TMPRSS12: variants seen among roughly 807,000 people sequenced by gnomAD.
TMPRSS12 encodes transmembrane protease serine 12.
Under a neutral mutation model 26.0 loss-of-function variants are expected in TMPRSS12, and 25 were observed. The observed-to-expected ratio is 0.96, with a 90% confidence interval of 0.70 to 1.34. TMPRSS12 has a LOEUF of 1.34. TMPRSS12 is among the 40% of genes most tolerant of loss of function. TMPRSS12 has a pLI of 0.00. For synonymous variants in TMPRSS12, 150 were observed against 161.7 expected (o/e 0.93, Z 0.55); for missense variants, 441 against 440.1 (o/e 1.00, Z -0.02).
intron 2 of TMPRSS12, among the ~76,000 whole-genome samples, chr12:50,847,774 G>A (rs1228175925): frequency 6.6e-6 from 1 of 152,038 alleles, no homozygotes; most frequent in African/African-American, 2.4e-5. Context: ...GTGGGTGCCT[G>A]TGATCCCAGC....
chr12:50,877,279 A>G (rs1592224374), intron 3 of TMPRSS12, among the ~76,000 whole-genome samples: 1 of 152,244 alleles, frequency 6.6e-6, no homozygotes, highest in East Asian at 1.9e-4. Context: ...AAGAGCATCT[A>G]TAAAGAATAA....
chr12:50,875,359 C>T (rs1938102947), intron 3 of TMPRSS12, among the ~76,000 whole-genome samples: 2 of 151,634 alleles, frequency 1.3e-5, no homozygotes, highest in Admixed American at 6.6e-5. Context: ...GGTGTGGTGG[C>T]ACACACCTGT....
chr12:50,865,559 G>A lies in TMPRSS12; in HGVS notation c.652+6506G>A, dbSNP rs116237541. On this transcript the variant is annotated intron_variant, in intron 3 of 4. Transcript: ENST00000398458. ...AAGGAATAAAGAGGATAGAGGAGAG[G>A]CAATATTCAATGGATTTGGGTTGAA... is the stretch of plus-strand genomic sequence containing the variant. Among the ~76,000 whole-genome samples, 862 of 152,110 alleles carry A rather than the reference G, an allele frequency of 5.7e-3. 8 individuals carry two copies. Among genetic ancestry groups the A allele is most frequent in the African/African-American group, 0.02 (811 of 41,490 alleles).
At chr12:50,859,084 A>G in intron 3 of TMPRSS12, 31 bp downstream of exon 3, 1 of 1,518,762 alleles carries the variant, frequency 6.6e-7, no homozygotes, top group Non-Finnish European at 8.8e-7. Context: ...ACTGATACAC[A>G]TTTTCCTGAT....
At chr12:50,871,159 A>G (rs1938038857) in intron 3 of TMPRSS12, among the ~76,000 whole-genome samples, 1 of 152,216 alleles carries the variant, frequency 6.6e-6, no homozygotes, top group Non-Finnish European at 1.5e-5. Context: ...AGCAAAAAGA[A>G]CAAATCTAGA....
At chr12:50,885,421 T>C (rs1354261805) in intron 4 of TMPRSS12, 33 bp downstream of exon 4, 2 of 1,613,216 alleles carry the variant, frequency 1.2e-6, no homozygotes, top group Non-Finnish European at 1.7e-6. Context: ...TAAAATATTT[T>C]CTGAAGCCAG....
In TMPRSS12 at chr12:50,859,053, G is replaced by A. The variant is rs891829983; in HGVS notation, c.652G>A (p.Gly218Ser). Residue 218 changes from glycine to serine, a missense_variant and splice_region_variant, in exon 3 of 5, where the codon GGT becomes AGT. Coordinates refer to ENST00000398458, the MANE Select transcript of TMPRSS12 (RefSeq NM_182559.3). ...TGGCTGGGGAAGAACAAAAGAAGAA[G>A]GTAATTATGGTCTGAATTTTACTGA... Reference protein sequence around the residue: ...ISGWGRTKEEGNATNILQDAE... With the variant: ...ISGWGRTKEESNATNILQDAE... The A allele has an allele frequency of 1.9e-6, 3 of 1,570,942 alleles. No homozygotes were observed. In the African/African-American group the frequency reaches 4.1e-5, roughly 21 times the overall value.
intron 3 of TMPRSS12, among the ~76,000 whole-genome samples, chr12:50,883,388 G>A (rs1419061847): frequency 6.6e-6 from 1 of 152,122 alleles, no homozygotes; most frequent in Non-Finnish European, 1.5e-5. Context: ...GGAATCCAAG[G>A]GTTTAAAATT....
At chr12:50,880,348 G>A (rs963558084) in intron 3 of TMPRSS12, among the ~76,000 whole-genome samples, 5 of 152,138 alleles carry the variant, frequency 3.3e-5, no homozygotes, top group Non-Finnish European at 5.9e-5. Context: ...TATGATCGCT[G>A]TACTACACTC....
intron 2 of TMPRSS12, among the ~76,000 whole-genome samples, chr12:50,845,742 A>G (rs1937761460): frequency 6.6e-6 from 1 of 152,158 alleles, no homozygotes; most frequent in Non-Finnish European, 1.5e-5. Context: ...CTACTGATTA[A>G]AAGTACATCC....
chr12:50,843,957 T>C lies in TMPRSS12; in HGVS notation c.303T>C (p.Arg101=), dbSNP rs776083898. 4 of 1,605,540 alleles carry C rather than the reference T, an allele frequency of 2.5e-6. No individual in the cohort carries two copies. The South Asian group carries it at 3.4e-5, about 13-fold the overall frequency. The change falls in exon 2 of 5, where the codon CGT becomes CGC. Residue 101 remains arginine, a synonymous_variant. Coordinates refer to ENST00000398458, the MANE Select transcript of TMPRSS12 (RefSeq NM_182559.3). The stretch of plus-strand genomic sequence containing the variant: ...TGAGCCTGCAGATTAAATATGGCCG[T>C]GTTCTTGTTCATGTATGTGGGGGAA... ...WVVSLQIKYG[R]VLVHVCGGTL...
rs536050143 is a variant in TMPRSS12 at position 50,850,665 on chromosome 12, A to G, written c.383+6628A>G. ...CCCACCACTGCTGGCACATGTGCAG[A>G]CTCCACTGCACTTCCACCACCAGTG... On this transcript the variant is annotated intron_variant, in intron 2 of 4. Coordinates refer to ENST00000398458, the MANE Select transcript of TMPRSS12 (RefSeq NM_182559.3). Among the ~76,000 whole-genome samples, 38 of 152,188 alleles carry G rather than the reference A, an allele frequency of 2.5e-4. No individual in the cohort carries two copies. In the South Asian group the frequency reaches 7.9e-3, roughly 32 times the overall value.
At chr12:50,870,546 C>A (rs1938032842) in intron 3 of TMPRSS12, among the ~76,000 whole-genome samples, 1 of 152,146 alleles carries the variant, frequency 6.6e-6, no homozygotes, top group African/African-American at 2.4e-5. Flanking sequence ...TGGAACAAGA[C>A]AAGGATGCCC....
intron 3 of TMPRSS12, among the ~76,000 whole-genome samples, chr12:50,872,971 A>T (rs190717010): frequency 6.6e-6 from 1 of 150,982 alleles, no homozygotes; most frequent in Admixed American, 6.6e-5. Flanking sequence ...ATGTACATAT[A>T]TATGACGTAT....
chr12:50,863,688 C>T (rs1291003978), intron 3 of TMPRSS12, among the ~76,000 whole-genome samples: 5 of 152,042 alleles, frequency 3.3e-5, no homozygotes, highest in Non-Finnish European at 7.4e-5. Flanking sequence ...ATATATGATT[C>T]CAAGTATATA....
chr12:50,844,611 G>A (rs771771700), intron 2 of TMPRSS12, among the ~76,000 whole-genome samples: 38 of 152,216 alleles, frequency 2.5e-4, no homozygotes, highest in Admixed American at 2.0e-3. Context: ...TTAACCTCAC[G>A]TGATCTGCCC....
Position 50,887,559 on chromosome 12 carries a change from T to C in TMPRSS12, c.*46T>C. The C allele has an allele frequency of 6.3e-7, 1 of 1,578,062 alleles. No homozygotes were observed. The highest frequency in any genetic ancestry group is 8.6e-7 in the Non-Finnish European group (1 of 1,165,270). On this transcript the variant is annotated 3_prime_UTR_variant, in exon 5 of 5. Coordinates refer to ENST00000398458, the MANE Select transcript of TMPRSS12 (RefSeq NM_182559.3). ...TATCTTTATTTTGCATTGTGTCCCT[T>C]TCTATGTTCTATATAATGAACATCA... is the stretch of plus-strand genomic sequence containing the variant.
intron 4 of TMPRSS12, 125 bp downstream of exon 4, chr12:50,885,513 T>C: frequency 1.7e-6 from 2 of 1,195,428 alleles, no homozygotes; most frequent in South Asian, 2.5e-5. Context: ...TCATTTTTTC[T>C]CCTTTTTAAC....
At chr12:50,850,688 G>C (rs1034741318) in intron 2 of TMPRSS12, among the ~76,000 whole-genome samples, 3 of 152,122 alleles carry the variant, frequency 2.0e-5, no homozygotes, top group Non-Finnish European at 2.9e-5. Flanking sequence ...TCCACCACCA[G>C]TGCACACACA....
Sources: allele counts gnomAD v4.1 joint callset (sites outside exome capture counted in the v4.1 genomes callset), GRCh38; gene constraint gnomAD v4.1.1; transcripts MANE v1.5; gene names NCBI Gene and HGNC (gene_info 2026-07-23, HGNC 2026-07-21).